The following ERBB4 variants were observed in gnomAD, a reference collection of about 807,000 sequenced individuals.
The protein encoded by ERBB4 is erb-b2 receptor tyrosine kinase 4, also known as receptor tyrosine-protein kinase erbB-4.
Under a neutral mutation model 158.0 loss-of-function variants are expected in ERBB4, and 42 were observed. The observed-to-expected ratio is 0.27, with a 90% CI of 0.21 to 0.34. ERBB4 has a LOEUF of 0.34. Among genes scored for constraint, ERBB4 ranks in the 10% least tolerant of loss-of-function variants. The probability of loss-of-function intolerance (pLI) is 1.00; values close to 1 mark genes in which losing one functional copy is unlikely to be tolerated. For missense variants in ERBB4, 1,333 were observed against 1,624.1 expected (o/e 0.82, Z 3.08); for synonymous variants, 583 against 558.7 (o/e 1.04, Z -0.61).
At chr2:211,753,589 C>T (rs542567008) in intron 4 of ERBB4, among the ~76,000 whole-genome samples, 3 of 152,034 alleles carry the variant, frequency 2.0e-5, no homozygotes, top group African/African-American at 7.2e-5. Context: ...GCAGGTGGAG[C>T]TAGATAATTC....
chr2:212,228,373 C>A (rs576849628), intron 1 of ERBB4, among the ~76,000 whole-genome samples: 2 of 152,044 alleles, frequency 1.3e-5, no homozygotes, highest in Non-Finnish European at 2.9e-5. Flanking sequence ...GAGAACTCAC[C>A]CTGTATACAC....
At chr2:212,188,502 A>G (rs1209249294) in intron 1 of ERBB4, among the ~76,000 whole-genome samples, 2 of 151,788 alleles carry the variant, frequency 1.3e-5, no homozygotes, top group Non-Finnish European at 2.9e-5. Flanking sequence ...AAAAACAGAA[A>G]AGCTAATGAT....
chr2:211,653,743 C>T (rs1186929189), intron 16 of ERBB4, among the ~76,000 whole-genome samples: 2 of 152,022 alleles, frequency 1.3e-5, no homozygotes, highest in Non-Finnish European at 2.9e-5. Flanking sequence ...GACACGACCT[C>T]GGCTCACTGT....
chr2:212,299,437 C>G (rs1459634787), intron 1 of ERBB4, among the ~76,000 whole-genome samples: 1 of 151,540 alleles, frequency 6.6e-6, no homozygotes, highest in Non-Finnish European at 1.5e-5. Flanking sequence ...ATGTAAAGTA[C>G]TCATTGTTTT....
chr2:211,396,137 T>G (rs905227603), intron 25 of ERBB4, among the ~76,000 whole-genome samples: 1 of 152,140 alleles, frequency 6.6e-6, no homozygotes, highest in Non-Finnish European at 1.5e-5. Context: ...AATCTCAATT[T>G]TAGGCTCTGT....
intron 2 of ERBB4, among the ~76,000 whole-genome samples, chr2:212,107,412 A>G (rs568632073): frequency 1.3e-5 from 2 of 152,236 alleles, no homozygotes; most frequent in South Asian, 4.2e-4. Context: ...AATTTCTCCC[A>G]TTTGAAATGG....
In ERBB4 at chr2:211,411,215, C is replaced by T. The variant is rs551132490; in HGVS notation, c.3135+9226G>A. 3.3e-5 allele frequency among the ~76,000 whole-genome samples: 5 copies of T among 152,154 alleles called. No homozygotes were observed. In the South Asian group the frequency reaches 6.2e-4, roughly 19 times the overall value. Reference sequence around the variant, plus strand: ...AGCCACCACGCCCAGCCTAAGGTACCGTGTTAAATACAAGTAAATCTTACA... The same window carrying T: ...AGCCACCACGCCCAGCCTAAGGTACTGTGTTAAATACAAGTAAATCTTACA... On this transcript the variant is annotated intron_variant, in intron 25 of 27. Transcript: ENST00000342788.
At chr2:211,873,854 T>C (rs2078422816) in intron 3 of ERBB4, among the ~76,000 whole-genome samples, 1 of 151,270 alleles carries the variant, frequency 6.6e-6, no homozygotes, top group African/African-American at 2.4e-5. Context: ...AAACAATGTG[T>C]TCTTAAAAAA....
chr2:212,054,353 T>A lies in ERBB4; in HGVS notation c.234+70399A>T, dbSNP rs553821623. On this transcript the variant is annotated intron_variant, in intron 2 of 27. Coordinates refer to ENST00000342788, the MANE Select transcript of ERBB4 (RefSeq NM_005235.3). The stretch of plus-strand genomic sequence containing the variant: ...TTTGCTGGAACAGATGTAGGCCACA[T>A]AGGATAAAAAGAAGAGGTCTGGGAC... 8.1e-4 allele frequency among the ~76,000 whole-genome samples: 123 copies of A among 152,144 alleles called. 1 individual carries two copies. The highest frequency in any genetic ancestry group is 2.7e-3 in the African/African-American group (112 of 41,506).
chr2:212,206,735 C>T (rs1347377379), intron 1 of ERBB4, among the ~76,000 whole-genome samples: 1 of 151,550 alleles, frequency 6.6e-6, no homozygotes, highest in Non-Finnish European at 1.5e-5. Context: ...TACAGGGGCC[C>T]GCCACTGCGC....
chr2:212,283,639 G>A (rs1484924081), intron 1 of ERBB4, among the ~76,000 whole-genome samples: 1 of 151,606 alleles, frequency 6.6e-6, no homozygotes, highest in African/African-American at 2.4e-5. Context: ...CTGAATTTGA[G>A]GTTAAAAAAG....
chr2:212,206,589 CT>C lies in ERBB4; in HGVS notation c.83-81687del, dbSNP rs5838309. Among the ~76,000 whole-genome samples, 140 of 116,446 alleles carry C rather than the reference CT, an allele frequency of 1.2e-3. 11 individuals are homozygous for C. Among genetic ancestry groups the C allele is most frequent in the South Asian group, 8.0e-3 (32 of 3,986 alleles). 76.4% of individuals were successfully genotyped at this position (116,446 alleles called of 152,430 possible). The stretch of plus-strand genomic sequence containing the variant: ...ATGAACTGTCTCCGTCTGTTCTGTT[CT>C]TTTTTTTTTTTTTTTGAGACGGAGT... On this transcript the variant is annotated intron_variant, in intron 1 of 27. Transcript: ENST00000342788.
intron 4 of ERBB4, among the ~76,000 whole-genome samples, chr2:211,774,364 G>T (rs950012057): frequency 6.6e-6 from 1 of 152,058 alleles, no homozygotes; most frequent in Non-Finnish European, 1.5e-5. Flanking sequence ...GAGCCACTGC[G>T]CCAGGCCAAG....
chr2:211,903,831 G>T (rs1178539424), intron 3 of ERBB4, among the ~76,000 whole-genome samples: 3 of 151,364 alleles, frequency 2.0e-5, no homozygotes, highest in African/African-American at 4.8e-5. Flanking sequence ...CTTCTTGGTT[G>T]CAAGAATATA....
intron 16 of ERBB4, among the ~76,000 whole-genome samples, chr2:211,651,676 C>T (rs1342660774): frequency 1.6e-5 from 2 of 123,976 alleles, no homozygotes; most frequent in Non-Finnish European, 3.2e-5. Context: ...AACACTGTTG[C>T]TGGGTTTTGA....
intron 19 of ERBB4, among the ~76,000 whole-genome samples, chr2:211,578,801 C>T (rs891779163): frequency 1.3e-5 from 2 of 151,998 alleles, no homozygotes; most frequent in Non-Finnish European, 2.9e-5. Context: ...ACAAAAACTA[C>T]CTCAAGATGG....
intron 1 of ERBB4, among the ~76,000 whole-genome samples, chr2:212,215,686 G>T (rs574071775): frequency 6.6e-6 from 1 of 151,140 alleles, no homozygotes; most frequent in East Asian, 1.9e-4. Context: ...CACTAACAAG[G>T]ACAATACTTT....
intron 1 of ERBB4, among the ~76,000 whole-genome samples, chr2:212,536,837 C>T (rs1575102281): frequency 6.6e-6 from 1 of 152,248 alleles, no homozygotes; most frequent in East Asian, 1.9e-4. Flanking sequence ...GCCTGCATGT[C>T]GGTCGCCAAT....
intron 4 of ERBB4, among the ~76,000 whole-genome samples, chr2:211,780,129 T>C (rs1452722535): frequency 1.3e-5 from 2 of 152,148 alleles, no homozygotes; most frequent in African/African-American, 4.8e-5. Context: ...TGTGAGGCTG[T>C]GGCGGGAGGA....
Sources: allele counts gnomAD v4.1 joint callset (sites outside exome capture counted in the v4.1 genomes callset), GRCh38; gene constraint gnomAD v4.1.1; transcripts MANE v1.5; gene names NCBI Gene and HGNC (gene_info 2026-07-23, HGNC 2026-07-21).